GRIP1: variants seen among roughly 807,000 people sequenced by gnomAD.
GRIP1 encodes the protein glutamate receptor interacting protein 1.
Under a neutral mutation model 129.9 loss-of-function variants are expected in GRIP1, and 45 were observed. The observed-to-expected ratio is 0.35, with a 90% CI of 0.27 to 0.44. GRIP1 has a LOEUF of 0.44. Among genes scored for constraint, GRIP1 ranks in the 20% least tolerant of loss-of-function variants. The pLI, the probability that GRIP1 is intolerant of heterozygous loss-of-function variation, is 1.00. For synonymous variants in GRIP1, 530 were observed against 520.8 expected, an observed-to-expected ratio of 1.02 and a Z score of -0.24; for missense variants, 1,196 against 1,396.8, an observed-to-expected ratio of 0.86 and a Z score of 2.29.
chr12:66,922,611 A>G (rs1163114666), intron 1 of GRIP1, among the ~76,000 whole-genome samples: 3 of 152,146 alleles, frequency 2.0e-5, no homozygotes, highest in African/African-American at 7.2e-5. Flanking sequence ...TAAAAACCAA[A>G]CCCATAATTC....
chr12:66,663,607 A>G (rs1204738588), intron 1 of GRIP1, among the ~76,000 whole-genome samples: 1 of 152,130 alleles, frequency 6.6e-6, no homozygotes, highest in Non-Finnish European at 1.5e-5. Context: ...GTCCAATTCA[A>G]CTACAGACAT....
chr12:66,781,654 C>T lies in GRIP1; in HGVS notation c.-420+22399G>A, dbSNP rs147468024. 4.5e-3 allele frequency among the ~76,000 whole-genome samples: 688 copies of T among 152,182 alleles called. 6 individuals are homozygous for T. The highest frequency in any genetic ancestry group is 0.016 in the African/African-American group (667 of 41,542). On this transcript the variant is annotated intron_variant, in intron 1 of 4. Coordinates refer to the GRIP1 transcript ENST00000538373. ...AGCACTAATAATAATTATGCAAGAA[C>T]AATAGGTATGAATTTGGTATATCCA...
chr12:66,501,582 C>T (rs1402275681), intron 7 of GRIP1, among the ~76,000 whole-genome samples: 1 of 152,136 alleles, frequency 6.6e-6, no homozygotes, highest in Non-Finnish European at 1.5e-5. Context: ...AAGTGCTTGC[C>T]TGCTACTCTT....
At chr12:66,515,944 C>T (rs2060831826) in intron 6 of GRIP1, among the ~76,000 whole-genome samples, 180 bp from the exon 7 acceptor site, 1 of 152,016 alleles carries the variant, frequency 6.6e-6, no homozygotes, top group Non-Finnish European at 1.5e-5. Context: ...CAGAAAATTG[C>T]TGTAATATGA....
chr12:66,872,676 T>C (rs1194000103), intron 1 of GRIP1, among the ~76,000 whole-genome samples: 3 of 151,964 alleles, frequency 2.0e-5, no homozygotes. Flanking sequence ...AATGTGTAAA[T>C]TTATTCTCTA....
chr12:66,666,056 C>G (rs972785940), intron 1 of GRIP1, among the ~76,000 whole-genome samples: 1 of 152,214 alleles, frequency 6.6e-6, no homozygotes, highest in East Asian at 1.9e-4. Context: ...GTCTTTCCCC[C>G]ACAAACATAA....
Position 66,570,743 on chromosome 12 carries a change from C to T in GRIP1, c.136+26104G>A, listed in dbSNP as rs139983044. 9.2e-5 allele frequency among the ~76,000 whole-genome samples: 14 copies of T among 152,214 alleles called. No individual in the cohort carries two copies. In the East Asian group the frequency reaches 2.3e-3, roughly 25 times the overall value. On this transcript the variant is annotated intron_variant, in intron 2 of 24. Transcript: ENST00000359742. ...CACCACCATATGGTTTTGTCAAATT[C>T]GAAAAATGATATTTTTGTATTTTTT...
At chr12:66,357,423 G>A (rs1220608414) in intron 23 of GRIP1, among the ~76,000 whole-genome samples, 7 of 152,124 alleles carry the variant, frequency 4.6e-5, no homozygotes, top group African/African-American at 1.7e-4. Context: ...TTTGAGGTGG[G>A]GACTGGGGGC....
intron 1 of GRIP1, among the ~76,000 whole-genome samples, chr12:66,605,077 A>ATATT (rs1555215220): frequency 6.7e-6 from 1 of 150,196 alleles, no homozygotes; most frequent in African/African-American, 2.4e-5. Context: ...ATATATATAT[A>ATATT]TTCACAATTT....
chr12:66,423,658 G>C (rs1229437648), intron 14 of GRIP1, among the ~76,000 whole-genome samples: 3 of 152,122 alleles, frequency 2.0e-5, no homozygotes, highest in African/African-American at 4.8e-5. Context: ...TGAACCTCCA[G>C]GGAAGTTGAA....
chr12:66,817,245 T>C (rs61928270), intron 1 of GRIP1, among the ~76,000 whole-genome samples: 29,552 of 131,070 alleles, frequency 0.23, 3,562 homozygotes, highest in Non-Finnish European at 0.32. Context: ...CACACACACA[T>C]ATATATTTCC....
At chr12:66,443,614 C>T (rs1406613164) in intron 13 of GRIP1, among the ~76,000 whole-genome samples, 2 of 151,978 alleles carry the variant, frequency 1.3e-5, no homozygotes, top group African/African-American at 4.8e-5. Context: ...GCCACCATGC[C>T]TGGCTAATTT....
At chr12:67,047,760 T>A (rs2135836332) in intron 1 of GRIP1, among the ~76,000 whole-genome samples, 1 of 152,306 alleles carries the variant, frequency 6.6e-6, no homozygotes, top group Middle Eastern at 3.4e-3. Flanking sequence ...TTTTTCAGTA[T>A]TTAGGATTAT....
Position 66,348,818 on chromosome 12 carries a change from C to T in GRIP1, c.*201G>A, listed in dbSNP as rs2054092831. 1 of 615,028 alleles carries T rather than the reference C, an allele frequency of 1.6e-6. No homozygotes were observed. Among genetic ancestry groups the T allele is most frequent in the Non-Finnish European group, 2.9e-6 (1 of 345,006 alleles). 38.1% of individuals were successfully genotyped at this position (615,028 alleles called of 1,614,324 possible). On this transcript the variant is annotated 3_prime_UTR_variant, in exon 25 of 25. Coordinates refer to ENST00000359742, the MANE Select transcript of GRIP1 (RefSeq NM_001366722.1). ...CTGGCAGGGCATTGCCCACCATATA[C>T]CATAGTGGTCACCAAAAAAGAAACC...
At chr12:66,729,637 G>A (rs1025674444) in intron 1 of GRIP1, among the ~76,000 whole-genome samples, 3 of 152,008 alleles carry the variant, frequency 2.0e-5, no homozygotes, top group Admixed American at 6.5e-5. Flanking sequence ...GCAGTGGTGC[G>A]ATCTCGGCTT....
chr12:66,522,166 C>G (rs1015586693), intron 5 of GRIP1, among the ~76,000 whole-genome samples: 8 of 152,240 alleles, frequency 5.3e-5, no homozygotes, highest in Non-Finnish European at 1.2e-4. Flanking sequence ...GTTCTCCCAG[C>G]ATGCAGCTGT....
intron 1 of GRIP1, among the ~76,000 whole-genome samples, chr12:66,996,663 G>A (rs1279320695): frequency 6.6e-6 from 1 of 152,168 alleles, no homozygotes; most frequent in Non-Finnish European, 1.5e-5. Context: ...ACTGGTGCCA[G>A]GAAGATAGAG....
intron 1 of GRIP1, among the ~76,000 whole-genome samples, chr12:66,943,018 T>C (rs1425191059): frequency 6.6e-6 from 1 of 152,138 alleles, no homozygotes; most frequent in Non-Finnish European, 1.5e-5. Context: ...AGTTAAATAT[T>C]GGTTGTTTAA....
intron 23 of GRIP1, among the ~76,000 whole-genome samples, chr12:66,358,560 G>A (rs565922911): frequency 1.2e-3 from 175 of 152,134 alleles, no homozygotes; most frequent in Non-Finnish European, 9.0e-4. Flanking sequence ...GATTTCTCCT[G>A]CCTCAGCCTC....
Sources: allele counts gnomAD v4.1 joint callset (sites outside exome capture counted in the v4.1 genomes callset), GRCh38; gene constraint gnomAD v4.1.1; transcripts MANE v1.5; gene names NCBI Gene and HGNC (gene_info 2026-07-23, HGNC 2026-07-21).